Variants in PRKD1 observed in about 807,000 individuals in gnomAD.
PRKD1 encodes serine/threonine-protein kinase D1.
A neutral mutation model predicts 95.9 loss-of-function variants in PRKD1; 63 were observed. The observed-to-expected ratio is 0.66, with a 90% CI of 0.54 to 0.81. PRKD1 has a LOEUF of 0.81. Among genes scored for constraint, PRKD1 ranks in the 30% least tolerant of loss-of-function variants. The pLI, the probability that PRKD1 is intolerant of heterozygous loss-of-function variation, is 0.00. For synonymous variants in PRKD1, 425 were observed against 423.1 expected (o/e 1.00, Z -0.05); for missense variants, 1,048 against 1,165.3 (o/e 0.90, Z 1.47).
At chr14:29,729,131 T>C (rs1020345486) in intron 1 of PRKD1, among the ~76,000 whole-genome samples, 1 of 152,130 alleles carries the variant, frequency 6.6e-6, no homozygotes, top group Non-Finnish European at 1.5e-5. Context: ...ACAAATCGCA[T>C]TGTTTAAAAT....
chr14:29,857,694 A>G (rs1261620640), intron 1 of PRKD1, among the ~76,000 whole-genome samples: 1 of 152,230 alleles, frequency 6.6e-6, no homozygotes, highest in Non-Finnish European at 1.5e-5. Context: ...AAATGCTAGA[A>G]TGCCACAAAG....
At chr14:29,890,057 A>G (rs1433610938) in intron 1 of PRKD1, among the ~76,000 whole-genome samples, 2 of 152,174 alleles carry the variant, frequency 1.3e-5, no homozygotes, top group Admixed American at 1.3e-4. Context: ...ATTTAATTAC[A>G]CATATGCATT....
intron 1 of PRKD1, among the ~76,000 whole-genome samples, chr14:29,862,873 C>T (rs917005272): frequency 3.3e-5 from 5 of 152,044 alleles, no homozygotes; most frequent in African/African-American, 1.2e-4. Context: ...TTGATGTGAT[C>T]CCATTTGTCC....
At chr14:29,780,590 T>C (rs1888998374) in intron 1 of PRKD1, among the ~76,000 whole-genome samples, 1 of 152,130 alleles carries the variant, frequency 6.6e-6, no homozygotes, top group South Asian at 2.1e-4. Context: ...CACAATCAGA[T>C]ACCAGCTCAC....
At chr14:29,866,530 T>A (rs1293075682) in intron 1 of PRKD1, among the ~76,000 whole-genome samples, 1 of 152,042 alleles carries the variant, frequency 6.6e-6, no homozygotes, top group Non-Finnish European at 1.5e-5. Flanking sequence ...GTTGGGAAAA[T>A]AAGATCTGTG....
At chr14:29,906,887 T>G (rs1490783922) in intron 1 of PRKD1, among the ~76,000 whole-genome samples, 1 of 152,254 alleles carries the variant, frequency 6.6e-6, no homozygotes, top group African/African-American at 2.4e-5. Flanking sequence ...AAAGACTTTA[T>G]TGTTTCCTCA....
intron 1 of PRKD1, among the ~76,000 whole-genome samples, chr14:29,816,549 T>G (rs1458311889): frequency 6.6e-6 from 1 of 152,236 alleles, no homozygotes; most frequent in Non-Finnish European, 1.5e-5. Flanking sequence ...TTTCAAGTTC[T>G]CATCATATGA....
rs1446843960 is a variant in PRKD1 at position 29,663,771 on chromosome 14, G to C, written c.624C>G (p.Ser208=). 28 of 1,614,034 alleles carry C rather than the reference G, an allele frequency of 1.7e-5. No individual in the cohort carries two copies. The highest frequency in any genetic ancestry group is 2.4e-5 in the Non-Finnish European group (28 of 1,179,962). Residue 208 remains serine (S), a synonymous_variant, in exon 4 of 18, where the codon TCC becomes TCG. Coordinates refer to ENST00000331968, the MANE Select transcript of PRKD1 (RefSeq NM_002742.3). ...TGCGGATGGTGCTGACCCCAGTGAG[G>C]GAAACGTTTGAGAGCCTTCTCCGCC... ...GVRRRRLSNV[S]LTGVSTIRTS... is the part of the protein sequence containing the mutation.
chr14:29,693,157 G>C (rs139913673), intron 2 of PRKD1, among the ~76,000 whole-genome samples: 107 of 152,166 alleles, frequency 7.0e-4, no homozygotes, highest in Middle Eastern at 3.4e-3. Context: ...TGCAATTCTG[G>C]TATTCTTACT....
At chr14:29,669,601 C>T (rs1036711290) in intron 2 of PRKD1, among the ~76,000 whole-genome samples, 1 of 152,198 alleles carries the variant, frequency 6.6e-6, no homozygotes, top group Non-Finnish European at 1.5e-5. Flanking sequence ...GGCATAGTGG[C>T]TCACGCCTGG....
chr14:29,668,267 G>A (rs1200154502), intron 2 of PRKD1, among the ~76,000 whole-genome samples: 1 of 152,112 alleles, frequency 6.6e-6, no homozygotes, highest in African/African-American at 2.4e-5. Context: ...AGTGAATGCT[G>A]TAATTCCATT....
intron 1 of PRKD1, among the ~76,000 whole-genome samples, chr14:29,788,824 T>A (rs1369060540): frequency 6.6e-6 from 1 of 152,098 alleles, no homozygotes; most frequent in Non-Finnish European, 1.5e-5. Flanking sequence ...CTTTTCTTGA[T>A]CTCTTTGTAT....
intron 1 of PRKD1, among the ~76,000 whole-genome samples, chr14:29,837,377 A>G (rs955675463): frequency 6.6e-6 from 1 of 152,198 alleles, no homozygotes; most frequent in Non-Finnish European, 1.5e-5. Flanking sequence ...TGCACTTTCA[A>G]TCAACTATTT....
At chr14:29,825,136 A>G (rs1891060048) in intron 1 of PRKD1, among the ~76,000 whole-genome samples, 1 of 152,128 alleles carries the variant, frequency 6.6e-6, no homozygotes, top group Non-Finnish European at 1.5e-5. Context: ...GTGGAATTCA[A>G]AGATATGTGG....
chr14:29,680,842 A>G (rs1883499778), intron 2 of PRKD1, among the ~76,000 whole-genome samples: 1 of 152,160 alleles, frequency 6.6e-6, no homozygotes, highest in East Asian at 1.9e-4. Flanking sequence ...TTGAGGTTGG[A>G]GGGCTAAGAA....
At chr14:29,804,588 T>TAA (rs10654939) in intron 1 of PRKD1, among the ~76,000 whole-genome samples, 1,667 of 145,606 alleles carry the variant, frequency 0.011, 12 homozygotes, top group African/African-American at 0.027. Flanking sequence ...ACAATCCAAC[T>TAA]AAAAAAAAAA....
intron 1 of PRKD1, among the ~76,000 whole-genome samples, chr14:29,850,643 C>T (rs1297540471): frequency 1.3e-5 from 2 of 151,888 alleles, no homozygotes; most frequent in African/African-American, 4.8e-5. Flanking sequence ...ATAAAAATGG[C>T]CATACTTCCC....
chr14:29,855,993 A>T (rs1215089537), intron 1 of PRKD1, among the ~76,000 whole-genome samples: 3 of 152,304 alleles, frequency 2.0e-5, no homozygotes, highest in Non-Finnish European at 4.4e-5. Flanking sequence ...TATTAGCAGG[A>T]TGAAAATAGA....
intron 1 of PRKD1, among the ~76,000 whole-genome samples, chr14:29,743,332 C>A (rs1233326145): frequency 6.6e-6 from 1 of 152,108 alleles, no homozygotes; most frequent in Non-Finnish European, 1.5e-5. Context: ...CACTAATTCA[C>A]ATGCCTTTTC....
Sources: gnomAD v4.1 joint callset for allele counts (sites outside exome capture counted in the v4.1 genomes callset) on GRCh38, gnomAD v4.1.1 for gene constraint, MANE v1.5 for transcripts, NCBI Gene and HGNC (gene_info 2026-07-23, HGNC 2026-07-21) for gene names.